Variants in STAB1 observed in about 807,000 individuals in gnomAD.
STAB1 encodes stabilin 1, also known as stabilin-1.
STAB1 carries 250 observed loss-of-function variants against 332.4 expected under a neutral mutation model. The observed-to-expected ratio is 0.75, with a 90% CI of 0.68 to 0.84. The LOEUF is 0.84. Among genes scored for constraint, STAB1 ranks in the 40% least tolerant of loss-of-function variants. STAB1 has a pLI of 0.00. For missense variants in STAB1, 3,249 were observed against 3,489.7 expected (o/e 0.93, Z 1.74); for synonymous variants, 1,475 against 1,390.4 (o/e 1.06, Z -1.35).
chr3:52,520,198 G>A lies in STAB1; in HGVS notation c.5413-6G>A. 2 of 1,613,124 alleles carry A rather than the reference G, an allele frequency of 1.2e-6. No homozygotes were observed. The highest frequency in any genetic ancestry group is 1.7e-6 in the Non-Finnish European group (2 of 1,180,014). On this transcript the variant is annotated splice_polypyrimidine_tract_variant and splice_region_variant and intron_variant, in intron 51 of 68. Transcript: ENST00000321725. Reference sequence around the variant, plus strand: ...TCCACCTCCAACCATGACTCCACTTGCTCAGGCCTTGGCATCTGACCTGCC... The same window carrying A: ...TCCACCTCCAACCATGACTCCACTTACTCAGGCCTTGGCATCTGACCTGCC...
At chr3:52,509,470 G>A (rs1709132989) in intron 22 of STAB1, 149 bp downstream of exon 22, 2 of 685,628 alleles carry the variant, frequency 2.9e-6, no homozygotes, top group Admixed American at 6.0e-5. Context: ...AAATGGGTCT[G>A]GGGGCTCTCA....
Position 52,495,382 on chromosome 3 carries a change from C to T in STAB1, c.-32C>T, listed in dbSNP as rs762680944. ...CTCCTAGAGCTCATTCCCTACGCCC[C>T]GACTCTGTCCTGGACAGCGTGCCCA... On this transcript the variant is annotated 5_prime_UTR_variant, in exon 1 of 69. Coordinates refer to ENST00000321725, the MANE Select transcript of STAB1 (RefSeq NM_015136.3). The T allele has an allele frequency of 9.9e-6, 13 of 1,314,712 alleles. No homozygotes were observed. The highest frequency in any genetic ancestry group is 2.9e-5 in the South Asian group (1 of 34,510). The allele number at this position is 1,314,712 out of a possible 1,614,324, so 81.4% of individuals were successfully genotyped here. A position where few individuals can be genotyped will look rare whatever the true frequency, so the allele number is the denominator to read the frequency against.
At chr3:52,501,133 A>G (rs1559668358) in intron 1 of STAB1, 33 bp from the exon 2 acceptor site, 2 of 1,605,378 alleles carry the variant, frequency 1.2e-6, no homozygotes, top group Non-Finnish European at 1.7e-6. Context: ...CGTGGGGTCC[A>G]GGCCCCTGAC....
At position 52,520,601 on chromosome 3, in the gene STAB1, C is replaced by T. The variant is rs537977417; in HGVS notation, c.5650-41C>T. Reference sequence around the variant, plus strand: ...AGAAGCCCACCCCGCCTGTGGTGTCCATCCACCTGACTTTGCTGTATTGGC... The same window carrying T: ...AGAAGCCCACCCCGCCTGTGGTGTCTATCCACCTGACTTTGCTGTATTGGC... On this transcript the variant is annotated intron_variant, in intron 53 of 68. Coordinates refer to ENST00000321725, the MANE Select transcript of STAB1 (RefSeq NM_015136.3). 361 of 1,612,832 alleles carry T rather than the reference C, an allele frequency of 2.2e-4. 1 individual carries two copies. The South Asian group carries it at 2.9e-3, about 13-fold the overall frequency.
In STAB1 at chr3:52,517,969, G is replaced by A. The variant is rs267599893; in HGVS notation, c.4727G>A (p.Gly1576Glu). The A allele has an allele frequency of 6.2e-7, 1 of 1,607,810 alleles. No homozygotes were observed. Among genetic ancestry groups the A allele is most frequent in the Non-Finnish European group, 8.5e-7 (1 of 1,178,530 alleles). Residue 1576 changes from glycine to glutamate, a missense_variant, in exon 45 of 69, where the codon GGG (glycine) becomes GAG (glutamate). Gly to Glu is a moderately conservative substitution (Grantham distance 98, BLOSUM62 -2). Coordinates refer to ENST00000321725, the MANE Select transcript of STAB1 (RefSeq NM_015136.3). ...TCTCDTAHTV[G>E]DGLTCRARVG... ...ACCTGCGACACAGCCCACACCGTGG[G>A]GGACGGCCTCACCTGCCGTGCCCGA... is the stretch of plus-strand genomic sequence containing the variant.
rs577218480 is a variant in STAB1, at chr3:52,518,447, T to G, written c.4809+88T>G. 8 of 1,568,782 alleles carry G rather than the reference T, an allele frequency of 5.1e-6. No homozygotes were observed. The African/African-American group carries it at 8.1e-5, about 16-fold the overall frequency. On this transcript the variant is annotated intron_variant, in intron 46 of 68. Transcript: ENST00000321725. Reference sequence around the variant, plus strand: ...CATCTGGTCAGGGGGTTGGCTGGTTTGTTCTCTCTGAGTCCAGGTCTTCCC... The same window carrying G: ...CATCTGGTCAGGGGGTTGGCTGGTTGGTTCTCTCTGAGTCCAGGTCTTCCC...
At chr3:52,508,167 C>G in intron 20 of STAB1, 106 bp from the exon 21 acceptor site, 2 of 1,368,948 alleles carry the variant, frequency 1.5e-6, no homozygotes, top group Non-Finnish European at 2.0e-6. Context: ...CCCAGAGAAA[C>G]CTTATCCACT....
Position 52,523,859 on chromosome 3 carries a change from G to C in STAB1, c.7396-12G>C, listed in dbSNP as rs1346186262. The C allele has an allele frequency of 1.3e-6, 2 of 1,594,162 alleles. No individual in the cohort carries two copies. The highest frequency in any genetic ancestry group is 1.7e-6 in the Non-Finnish European group (2 of 1,170,032). On this transcript the variant is annotated splice_polypyrimidine_tract_variant and intron_variant, in intron 66 of 68. Transcript: ENST00000321725. ...CTCCCGCCAGGTCAACACTCTCCCT[G>C]TTTGTTTGTAGCAGGCAGTGCTGGC...
rs1287860954 is a variant in STAB1, at chr3:52,509,973, G to A, written c.2451G>A (p.Glu817=). Residue 817 remains glutamate (E), a synonymous_variant, in exon 23 of 69, where the codon GAG becomes GAA. Coordinates refer to ENST00000321725, the MANE Select transcript of STAB1 (RefSeq NM_015136.3). ...GCTTCAGTGGCCGGTTCTGCAACGAGTCCATGGGGGACTGTGGGCCCACAG... is the reference window on the plus strand; with the variant it reads ...GCTTCAGTGGCCGGTTCTGCAACGAATCCATGGGGGACTGTGGGCCCACAG... ...APGFSGRFCN[E]SMGDCGPTGL... is the part of the protein sequence containing the mutation. The A allele has an allele frequency of 6.2e-7, 1 of 1,611,340 alleles. No individual in the cohort carries two copies. Among genetic ancestry groups the A allele is most frequent in the East Asian group, 2.2e-5 (1 of 44,832 alleles).
chr3:52,506,376 TG>T (rs1263897567), intron 17 of STAB1, 126 bp downstream of exon 17: 1 of 897,580 alleles, frequency 1.1e-6, no homozygotes, highest in Non-Finnish European at 1.8e-6. Context: ...GGCGGGCTCA[TG>T]GGGAAGGAAG....
In STAB1 at chr3:52,521,344, T is replaced by C; in HGVS notation, c.5909-17T>C. ...AGAGCCCCTGGCCCCACCTCACTTC[T>C]CCTACCCCATCCCCAGCTTGCCCTG... On this transcript the variant is annotated splice_polypyrimidine_tract_variant and intron_variant, in intron 55 of 68. Transcript: ENST00000321725. The C allele has an allele frequency of 4.3e-6, 7 of 1,613,584 alleles. No individual in the cohort carries two copies. The highest frequency in any genetic ancestry group is 5.1e-6 in the Non-Finnish European group (6 of 1,179,976).
Position 52,523,411 on chromosome 3 carries a change from C to T in STAB1, c.7141-16C>T. 1 of 1,609,584 alleles carries T rather than the reference C, an allele frequency of 6.2e-7. No homozygotes were observed. Among genetic ancestry groups the T allele is most frequent in the Non-Finnish European group, 8.5e-7 (1 of 1,178,726 alleles). Reference sequence around the variant, plus strand: ...CTCCATCTGGCCCAGGCCAACAGGCCTTGCTCTGCTCACAGACGCTGAGTG... The same window carrying T: ...CTCCATCTGGCCCAGGCCAACAGGCTTTGCTCTGCTCACAGACGCTGAGTG... On this transcript the variant is annotated splice_polypyrimidine_tract_variant and intron_variant, in intron 64 of 68. Transcript: ENST00000321725.
At position 52,513,956 on chromosome 3, in the gene STAB1, T is replaced by C; in HGVS notation, c.3422T>C (p.Phe1141Ser). The C allele has an allele frequency of 6.2e-7, 1 of 1,605,192 alleles. No homozygotes were observed. ...CAGCAGCTGGACTTGGTGCCTGCCTTCAGCCTCTTCCGGGAATTGCTGCAG... is the reference window on the plus strand; with the variant it reads ...CAGCAGCTGGACTTGGTGCCTGCCTCCAGCCTCTTCCGGGAATTGCTGCAG... ...LLQQLDLVPA[F>S]SLFRELLQHH... The change falls in exon 32 of 69, where the codon TTC becomes TCC. Residue 1141 changes from phenylalanine (F) to serine (S), a missense_variant. Physicochemically the swap from Phe to Ser is radical, Grantham distance 155 (BLOSUM62 -2). Coordinates refer to ENST00000321725, the MANE Select transcript of STAB1 (RefSeq NM_015136.3).
At position 52,508,280 on chromosome 3, in the gene STAB1, G is replaced by T. The variant is rs767661486; in HGVS notation, c.2156G>T (p.Gly719Val). ...SYCNQTIMEQ[G>V]CCKGFFGPDC... ...CTGTTCTGTCTCTTATAGGAACAAG[G>T]CTGCTGCAAAGGTTTTTTCGGGCCT... The change falls in exon 21 of 69, where the codon GGC (glycine) becomes GTC (valine). Residue 719 changes from glycine (G) to valine (V), a missense_variant. Physicochemically the swap from Gly to Val is moderately radical, Grantham distance 109 (BLOSUM62 -3). Transcript: ENST00000321725. 1.9e-6 allele frequency: 3 copies of T among 1,612,832 alleles called. No individual in the cohort carries two copies. Among genetic ancestry groups the T allele is most frequent in the Non-Finnish European group, 2.5e-6 (3 of 1,179,052 alleles).
At chr3:52,521,111 G>A (rs1195416627) in intron 55 of STAB1, 106 bp downstream of exon 55, 10 of 1,352,390 alleles carry the variant, frequency 7.4e-6, no homozygotes. Context: ...CAGGGCTGGG[G>A]AGCTCTGGGT....
In STAB1 at chr3:52,503,357, C is replaced by G; in HGVS notation, c.708C>G (p.Cys236Trp). 6.2e-7 allele frequency: 1 copy of G among 1,610,860 alleles called. No homozygotes were observed. Among genetic ancestry groups the G allele is most frequent in the South Asian group, 1.1e-5 (1 of 90,888 alleles). ...QGSECRAPNPCWPSPCSLLAQ... is the reference protein window; with the variant it reads ...QGSECRAPNPWWPSPCSLLAQ... ...CTGCCCTGGCAGCCCCCAACCCCTG[C>G]TGGCCATCACCCTGCTCACTGCTGG... The change falls in exon 8 of 69, where the codon TGC becomes TGG. Residue 236 changes from cysteine (C) to tryptophan (W), a missense_variant. Physicochemically the swap from Cys to Trp is radical, Grantham distance 215 (BLOSUM62 -2). Transcript: ENST00000321725.
At chr3:52,508,198 C>T in intron 20 of STAB1, 75 bp from the exon 21 acceptor site, 1 of 1,465,004 alleles carries the variant, frequency 6.8e-7, no homozygotes, top group Non-Finnish European at 9.4e-7. Flanking sequence ...GGAGATGGGG[C>T]CAGGGAGCAG....
At position 52,506,698 on chromosome 3, in the gene STAB1, A is replaced by T; in HGVS notation, c.1837A>T (p.Ile613Phe). ...CAGTGGGTCTCTGCCGCAGGGGCGC[A>T]TCCTGCTGGGACCCGAGGGGGTCCC... ...LAVNISEEGR[I>F]LLGPEGVPLQ... Residue 613 changes from isoleucine to phenylalanine, a missense_variant, in exon 18 of 69, where the codon ATC (isoleucine) becomes TTC (phenylalanine). Physicochemically the swap from Ile to Phe is conservative, Grantham distance 21. Transcript: ENST00000321725. 6.2e-7 allele frequency: 1 copy of T among 1,610,532 alleles called. No individual in the cohort carries two copies. Among genetic ancestry groups the T allele is most frequent in the Non-Finnish European group, 8.5e-7 (1 of 1,178,800 alleles).
chr3:52,523,595 C>G lies in STAB1; in HGVS notation c.7290+19C>G, dbSNP rs763805879. 1 of 1,612,652 alleles carries G rather than the reference C, an allele frequency of 6.2e-7. No individual in the cohort carries two copies. Among genetic ancestry groups the G allele is most frequent in the South Asian group, 1.1e-5 (1 of 91,078 alleles). On this transcript the variant is annotated intron_variant, in intron 65 of 68. Coordinates refer to ENST00000321725, the MANE Select transcript of STAB1 (RefSeq NM_015136.3). ...CCCTGTGGTGAGTCTGGCCACTGTC[C>G]CACCCTGTTGGCCCTGGCCCTCGCT...
Sources: gnomAD v4.1 joint callset for allele counts on GRCh38, gnomAD v4.1.1 for gene constraint, MANE v1.5 for transcripts, NCBI Gene and HGNC (gene_info 2026-07-23, HGNC 2026-07-21) for gene names.